TNC: variants seen among roughly 807,000 people sequenced by gnomAD.
TNC encodes tenascin C.
In TNC, 109 loss-of-function variants were observed where a neutral mutation model predicts 202.4. The observed-to-expected ratio is 0.54, with a 90% CI of 0.46 to 0.63. TNC has a LOEUF of 0.63. Ranked by LOEUF, TNC falls within the 30% of genes least tolerant of loss-of-function variation. The pLI is 0.00. For missense variants in TNC, 2,756 were observed against 2,833.3 expected, an observed-to-expected ratio of 0.97 and a Z score of 0.62; for synonymous variants, 1,007 against 1,089.7, an observed-to-expected ratio of 0.92 and a Z score of 1.50.
rs117312059 is a variant in TNC at position 115,070,012 on chromosome 9, C to T, written c.3214+3591G>A. 1.9e-4 allele frequency among the ~76,000 whole-genome samples: 29 copies of T among 151,894 alleles called. No individual in the cohort carries two copies. In the East Asian group the frequency reaches 5.7e-3, roughly 30 times the overall value. On this transcript the variant is annotated intron_variant, in intron 10 of 27. Transcript: ENST00000350763. ...ATGCTGACTCTGAAGTAGCCAGGGT[C>T]CCTAAACACTCATGAAGCTCATACC...
chr9:115,033,552 C>T (rs1037670395), intron 22 of TNC, among the ~76,000 whole-genome samples: 3 of 152,298 alleles, frequency 2.0e-5, no homozygotes, highest in Admixed American at 6.5e-5. Flanking sequence ...ATTCATTTTA[C>T]AGATGGGAAC....
chr9:115,039,132 G>A (rs958364518), intron 19 of TNC, among the ~76,000 whole-genome samples: 29 of 152,112 alleles, frequency 1.9e-4, no homozygotes, highest in Admixed American at 1.8e-3. Context: ...ACCTGGCCCC[G>A]AGCCTTTTCT....
At chr9:115,025,460 G>A (rs895499070) in intron 26 of TNC, among the ~76,000 whole-genome samples, 1 of 152,042 alleles carries the variant, frequency 6.6e-6, no homozygotes, top group Admixed American at 6.6e-5. Context: ...GGCTGGAAAC[G>A]TGCCAAGCTT....
chr9:115,086,921 G>A lies in TNC; in HGVS notation c.810C>T (p.Cys270=), dbSNP rs1404254357. 1.2e-6 allele frequency: 2 copies of A among 1,613,828 alleles called. No individual in the cohort carries two copies. The highest frequency in any genetic ancestry group is 1.7e-5 in the Admixed American group (1 of 60,004). The change falls in exon 3 of 28, where the codon TGC becomes TGT. Residue 270 remains cysteine, a synonymous_variant. Transcript: ENST00000350763. ...AGTCATCGCCTGCAAAGCCATCGTGGCACACACACAAGCCATCTACACATG... is the reference window on the plus strand; with the variant it reads ...AGTCATCGCCTGCAAAGCCATCGTGACACACACACAAGCCATCTACACATG... The part of the protein sequence containing the change: ...HGTCVDGLCV[C]HDGFAGDDCN...
At position 115,064,908 on chromosome 9, in the gene TNC, C is replaced by G; in HGVS notation, c.3226G>C (p.Glu1076Gln). Residue 1076 changes from glutamate (E) to glutamine (Q), a missense_variant, in exon 11 of 28, where the codon GAG becomes CAG. Physicochemically the swap from Glu to Gln is conservative, Grantham distance 29 (BLOSUM62 2). Transcript: ENST00000350763. ...RVKASTEQAP[E>Q]LENLTVTEVG... Reference sequence around the variant, plus strand: ...TCAGTCACGGTGAGGTTTTCCAGCTCAGGGGCTTGTTCTGAATAATGACAG... The same window carrying G: ...TCAGTCACGGTGAGGTTTTCCAGCTGAGGGGCTTGTTCTGAATAATGACAG... The G allele has an allele frequency of 6.2e-7, 1 of 1,613,926 alleles. No individual in the cohort carries two copies. The highest frequency in any genetic ancestry group is 8.5e-7 in the Non-Finnish European group (1 of 1,179,946).
intron 9 of TNC, among the ~76,000 whole-genome samples, chr9:115,074,708 T>C (rs1034185030): frequency 2.0e-5 from 3 of 152,168 alleles, no homozygotes; most frequent in African/African-American, 7.2e-5. Context: ...GGGTAGCATG[T>C]GGGATTCTTG....
chr9:115,077,759 T>C lies in TNC; in HGVS notation c.2674+184A>G, dbSNP rs190128682. 5.6e-4 allele frequency among the ~76,000 whole-genome samples: 85 copies of C among 152,340 alleles called. 1 individual carries two copies. The South Asian group carries it at 0.01, about 18-fold the overall frequency. On this transcript the variant is annotated intron_variant, in intron 7 of 27. Transcript: ENST00000350763. Reference sequence around the variant, plus strand: ...CCCCAAAAGTGCTTTGGAAGGTTATTTGGAATTTTTTTTGAAAAATTAATT... The same window carrying C: ...CCCCAAAAGTGCTTTGGAAGGTTATCTGGAATTTTTTTTGAAAAATTAATT...
chr9:115,033,757 G>T (rs534631372), intron 22 of TNC, among the ~76,000 whole-genome samples: 22 of 152,320 alleles, frequency 1.4e-4, no homozygotes, highest in African/African-American at 5.1e-4. Flanking sequence ...AGAATGTAAG[G>T]TATAAATCCA....
intron 27 of TNC, among the ~76,000 whole-genome samples, chr9:115,022,853 G>A (rs923947637): frequency 6.6e-6 from 1 of 152,018 alleles, no homozygotes; most frequent in African/African-American, 2.4e-5. Flanking sequence ...ATTATGTAAG[G>A]TAAGGTCTAC....
At position 115,046,434 on chromosome 9, in the gene TNC, T is replaced by G. The variant is rs2132112807; in HGVS notation, c.5101A>C (p.Thr1701Pro). ...YGISKGRRSQ[T>P]VSAIATTAMG... ...CCTGTTGTTGCTATAGCACTGACTGTCTGGGATCGCCTTCCTTTGCTTATT... is the reference window on the plus strand; with the variant it reads ...CCTGTTGTTGCTATAGCACTGACTGGCTGGGATCGCCTTCCTTTGCTTATT... Residue 1701 changes from threonine (T) to proline (P), a missense_variant, in exon 17 of 28, where the codon ACA becomes CCA. Thr to Pro is a conservative substitution (Grantham distance 38, BLOSUM62 -1). Around this residue, in one of 2 missense-constraint regions of TNC, gnomAD observed 2,559 missense variants for 2,546.0 expected, o/e 1.01. Coordinates refer to ENST00000350763, the MANE Select transcript of TNC (RefSeq NM_002160.4). 1.2e-6 allele frequency: 2 copies of G among 1,614,138 alleles called. No individual in the cohort carries two copies. Among genetic ancestry groups the G allele is most frequent in the Non-Finnish European group, 1.7e-6 (2 of 1,179,972 alleles).
intron 1 of TNC, among the ~76,000 whole-genome samples, chr9:115,110,878 ATTTTT>A (rs71375271): frequency 1.7e-5 from 2 of 117,112 alleles, no homozygotes; most frequent in Admixed American, 8.8e-5. Context: ...GGCTGCCAGA[ATTTTT>A]TTTTTTTTTT....
At position 115,088,702 on chromosome 9, in the gene TNC, A is replaced by T. The variant is rs574927734; in HGVS notation, c.458-1429T>A. 5.1e-4 allele frequency among the ~76,000 whole-genome samples: 78 copies of T among 152,046 alleles called. 2 individuals are homozygous for T. Among genetic ancestry groups the T allele is most frequent in the East Asian group, 4.6e-3 (24 of 5,186 alleles). ...TGACAGCAGGAAGAAAGAATTTTTT[A>T]AAAAAAGCTGATTTGTAAAGTGAGA... On this transcript the variant is annotated intron_variant, in intron 2 of 27. Coordinates refer to ENST00000350763, the MANE Select transcript of TNC (RefSeq NM_002160.4).
At chr9:115,039,812 C>T (rs904335777) in intron 19 of TNC, among the ~76,000 whole-genome samples, 7 of 152,210 alleles carry the variant, frequency 4.6e-5, no homozygotes, top group African/African-American at 1.7e-4. Context: ...GGAGGAACTA[C>T]GTTCAGCTTT....
At chr9:115,112,185 G>A (rs891222233) in intron 1 of TNC, among the ~76,000 whole-genome samples, 1 of 152,116 alleles carries the variant, frequency 6.6e-6, no homozygotes, top group Non-Finnish European at 1.5e-5. Context: ...GATTGTCCCT[G>A]GCTTCCAAGA....
chr9:115,034,604 G>A (rs1042061499), intron 22 of TNC, among the ~76,000 whole-genome samples: 1 of 152,156 alleles, frequency 6.6e-6, no homozygotes, highest in Non-Finnish European at 1.5e-5. Context: ...ATCAATGTGT[G>A]GAGAACAAGC....
In TNC at chr9:115,064,759, G is replaced by A. The variant is rs61737056; in HGVS notation, c.3375C>T (p.Ser1125=). The A allele has an allele frequency of 4.3e-6, 7 of 1,614,022 alleles. No individual in the cohort carries two copies. In the African/African-American group the frequency reaches 9.3e-5, roughly 22 times the overall value. Residue 1125 remains serine (S), a synonymous_variant, in exon 11 of 28, where the codon AGC becomes AGT. Transcript: ENST00000350763. ...EAARNLTVPG[S]LRAVDIPGLK... ...GGCCCGGTATGTCCACAGCCCGAAGGCTGCCAGGCACGGTGAGGTTCCGAG... is the reference window on the plus strand; with the variant it reads ...GGCCCGGTATGTCCACAGCCCGAAGACTGCCAGGCACGGTGAGGTTCCGAG...
Position 115,036,170 on chromosome 9 carries a change from C to T in TNC, c.5584G>A (p.Glu1862Lys), listed in dbSNP as rs989234014. The change falls in exon 21 of 28, where the codon GAA becomes AAA. Residue 1862 changes from glutamate to lysine, a missense_variant. Glu to Lys is a moderately conservative substitution (Grantham distance 56). Transcript: ENST00000350763. ...YALTDLEPAT[E>K]YTLRIFAEKG... ...TCTGCAAAGATTCTCAGTGTGTATT[C>T]CGTGGCAGGCTCGAGGTCGGTCAGA... 5.0e-6 allele frequency: 8 copies of T among 1,614,018 alleles called. No individual in the cohort carries two copies. The highest frequency in any genetic ancestry group is 1.7e-5 in the Admixed American group (1 of 59,996).
chr9:115,035,171 T>C, intron 22 of TNC, 33 bp downstream of exon 22: 1 of 1,562,324 alleles, frequency 6.4e-7, no homozygotes, highest in Non-Finnish European at 8.7e-7. Flanking sequence ...ATGCTTCAAC[T>C]AGCATTGAGG....
At chr9:115,068,942 T>TA in intron 10 of TNC, among the ~76,000 whole-genome samples, 1 of 152,318 alleles carries the variant, frequency 6.6e-6, no homozygotes, top group South Asian at 2.1e-4. Context: ...CAAATCCCTC[T>TA]AAAACAGATA....
Sources: allele counts gnomAD v4.1 joint callset (sites outside exome capture counted in the v4.1 genomes callset), GRCh38; gene constraint gnomAD v4.1.1; regional missense constraint gnomAD v4.1.1; transcripts MANE v1.5; gene names NCBI Gene and HGNC (gene_info 2026-07-23, HGNC 2026-07-21).